Variants in EDAR observed in about 807,000 individuals in gnomAD.
EDAR encodes the protein tumor necrosis factor receptor superfamily member EDAR.
EDAR carries 38 observed loss-of-function variants against 51.3 expected under a neutral mutation model. That is an observed-to-expected ratio of 0.74 (90% confidence interval 0.57 to 0.97). The LOEUF (loss-of-function observed/expected upper bound fraction) is 0.97, where lower values mean the gene tolerates loss of function less well. Ranked by LOEUF, EDAR falls within the 50% of genes least tolerant of loss-of-function variation. EDAR has a pLI of 0.00. For synonymous variants in EDAR, 227 were observed against 242.1 expected (o/e 0.94, Z 0.58); for missense variants, 528 against 595.0 (o/e 0.89, Z 1.17).
In EDAR at chr2:108,938,657, G is replaced by GA. The variant is rs1220446512; in HGVS notation, c.-18-7626dup. The stretch of plus-strand genomic sequence containing the variant: ...GAACTGACAAGCTTGGAGAAGTTTT[G>GA]AAAAAAAAAATCCCTACTTTTTTGC... On this transcript the variant is annotated intron_variant, in intron 1 of 11. Coordinates refer to ENST00000258443, the MANE Select transcript of EDAR (RefSeq NM_022336.4). Among the ~76,000 whole-genome samples the GA allele has an allele frequency of 6.3e-3, 931 of 148,712 alleles. 6 individuals carry two copies. Among genetic ancestry groups the GA allele is most frequent in the African/African-American group, 0.021 (866 of 40,612 alleles).
At position 108,924,588 on chromosome 2, in the gene EDAR, C is replaced by T. The variant is rs563075097; in HGVS notation, c.357-1135G>A. On this transcript the variant is annotated intron_variant, in intron 4 of 11. Coordinates refer to ENST00000258443, the MANE Select transcript of EDAR (RefSeq NM_022336.4). ...CAGGCCCCATGGAGGCCCCTGCTGA[C>T]GGTAGTGCTAAGCAGCAGCCTGGCA... is the stretch of plus-strand genomic sequence containing the variant. Among the ~76,000 whole-genome samples the T allele has an allele frequency of 5.3e-5, 8 of 152,290 alleles. No homozygotes were observed. The East Asian group carries it at 7.7e-4, about 15-fold the overall frequency.
intron 11 of EDAR, among the ~76,000 whole-genome samples, chr2:108,902,620 A>G (rs1167301427): frequency 1.3e-5 from 2 of 152,212 alleles, no homozygotes; most frequent in Non-Finnish European, 2.9e-5. Flanking sequence ...TCATGAATAT[A>G]AATGCAAAAT....
intron 1 of EDAR, among the ~76,000 whole-genome samples, chr2:108,948,568 T>G (rs538745335): frequency 6.6e-5 from 10 of 152,248 alleles, no homozygotes; most frequent in African/African-American, 2.2e-4. Context: ...AAACTCACAG[T>G]CATCGCAGAA....
At chr2:108,909,033 T>G (rs911633601) in intron 9 of EDAR, among the ~76,000 whole-genome samples, 1 of 152,176 alleles carries the variant, frequency 6.6e-6, no homozygotes, top group East Asian at 1.9e-4. Flanking sequence ...CTCTGAGACC[T>G]AAGGACAAAC....
intron 1 of EDAR, among the ~76,000 whole-genome samples, chr2:108,980,924 T>C (rs1698408539): frequency 6.6e-6 from 1 of 152,028 alleles, no homozygotes. Flanking sequence ...TTTTGAAACC[T>C]GGCCAAATTG....
At chr2:108,903,504 A>G (rs762544950) in intron 11 of EDAR, among the ~76,000 whole-genome samples, 2 of 152,212 alleles carry the variant, frequency 1.3e-5, no homozygotes, top group Non-Finnish European at 2.9e-5. Flanking sequence ...TTATTACATA[A>G]TTTATACAAG....
intron 1 of EDAR, among the ~76,000 whole-genome samples, chr2:108,935,819 C>T (rs1697456836): frequency 6.6e-6 from 1 of 152,182 alleles, no homozygotes. Context: ...TTTATCTGTC[C>T]AGGGAGCCAG....
At chr2:108,913,772 A>G (rs915381548) in intron 5 of EDAR, among the ~76,000 whole-genome samples, 2 of 151,984 alleles carry the variant, frequency 1.3e-5, no homozygotes, top group African/African-American at 4.8e-5. Context: ...AACACAGGGA[A>G]ACCCCGTCTC....
At chr2:108,910,018 G>T (rs1048568287) in intron 9 of EDAR, among the ~76,000 whole-genome samples, 1 of 152,222 alleles carries the variant, frequency 6.6e-6, no homozygotes, top group Non-Finnish European at 1.5e-5. Context: ...CCCAGCACTT[G>T]GTGGGCAGTA....
intron 1 of EDAR, among the ~76,000 whole-genome samples, chr2:108,986,395 C>T (rs1209646486): frequency 1.3e-5 from 2 of 152,094 alleles, no homozygotes; most frequent in African/African-American, 2.4e-5. Flanking sequence ...GGAGTGTTTG[C>T]TTACTCCACT....
intron 3 of EDAR, 31 bp downstream of exon 3, chr2:108,930,089 G>A (rs750257417): frequency 1.1e-5 from 18 of 1,602,294 alleles, no homozygotes; most frequent in Middle Eastern, 1.7e-4. Context: ...CCCTGAGAGC[G>A]CACCAGGCTC....
At chr2:108,906,004 C>CT (rs1696795626) in intron 11 of EDAR, among the ~76,000 whole-genome samples, 1 of 152,180 alleles carries the variant, frequency 6.6e-6, no homozygotes, top group African/African-American at 2.4e-5. Context: ...CACGGGAGGT[C>CT]TGAGGCTCCG....
chr2:108,908,018 C>T lies in EDAR; in HGVS notation c.805G>A (p.Glu269Lys), dbSNP rs1350259361. 6.2e-6 allele frequency: 10 copies of T among 1,606,800 alleles called. No homozygotes were observed. The Admixed American group carries it at 6.7e-5, about 11-fold the overall frequency. The stretch of plus-strand genomic sequence containing the variant: ...TCATTCTCGGATGAGGCATCGTTCT[C>T]GCTGCAAAAACAAGAGCGATGGTCA... The part of the protein sequence containing the change: ...TATPAKPTKS[E>K]NDASSENEQL... Residue 269 changes from glutamate to lysine, a missense_variant and splice_region_variant, in exon 10 of 12, where the codon GAG (glutamate) becomes AAG (lysine). Glu to Lys is a moderately conservative substitution (Grantham distance 56, BLOSUM62 1). Transcript: ENST00000258443.
At chr2:108,931,128 C>G in intron 1 of EDAR, 96 bp from the exon 2 acceptor site, 1 of 974,276 alleles carries the variant, frequency 1.0e-6, no homozygotes, top group Non-Finnish European at 1.6e-6. Flanking sequence ...AAGGTGCCTT[C>G]CAGCAAACAG....
At position 108,897,198 on chromosome 2, in the gene EDAR, G is replaced by T. The variant is rs12623957; in HGVS notation, c.1056C>A (p.Cys352Ter). Reference sequence around the variant, plus strand: ...TGAGCATTCGGCTAGTCTTCTCGAGGCAATCAAATGGCAGCTCCGTGGGGC... The same window carrying T: ...TGAGCATTCGGCTAGTCTTCTCGAGTCAATCAAATGGCAGCTCCGTGGGGC... ...GLSPTELPFD[C>*]LEKTSRMLSS... The change falls in exon 12 of 12, where the codon TGC becomes TGA. Residue 352 changes from cysteine to a stop codon, truncating the protein, a stop_gained. Coordinates refer to ENST00000258443, the MANE Select transcript of EDAR (RefSeq NM_022336.4). LOFTEE classifies it high-confidence loss of function. 6.2e-7 allele frequency: 1 copy of T among 1,613,492 alleles called. No homozygotes were observed. Among genetic ancestry groups the T allele is most frequent in the Non-Finnish European group, 8.5e-7 (1 of 1,179,994 alleles).
At chr2:108,972,519 C>T (rs1013744270) in intron 1 of EDAR, among the ~76,000 whole-genome samples, 6 of 152,194 alleles carry the variant, frequency 3.9e-5, no homozygotes, top group East Asian at 3.9e-4. Context: ...CAGGCTGCAA[C>T]GGGCCGAGGC....
chr2:108,977,877 C>T (rs1698352592), intron 1 of EDAR, among the ~76,000 whole-genome samples: 1 of 152,220 alleles, frequency 6.6e-6, no homozygotes, highest in Non-Finnish European at 1.5e-5. Context: ...AACCACAAGA[C>T]ATCATATTAA....
rs567427469 is a variant in EDAR at position 108,924,228 on chromosome 2, G to A, written c.357-775C>T. ...TCCCCGATGTCACAGTGCCAGCCCC[G>A]TGGCTATATGACTGCTCAGGTCCTG... On this transcript the variant is annotated intron_variant, in intron 4 of 11. Transcript: ENST00000258443. 3.7e-4 allele frequency among the ~76,000 whole-genome samples: 57 copies of A among 152,314 alleles called. 1 individual carries two copies. Among genetic ancestry groups the A allele is most frequent in the African/African-American group, 1.1e-3 (45 of 41,566 alleles).
chr2:108,906,371 G>A lies in EDAR; in HGVS notation c.964-3C>T. 6.2e-7 allele frequency: 1 copy of A among 1,614,102 alleles called. No homozygotes were observed. Among genetic ancestry groups the A allele is most frequent in the Non-Finnish European group, 8.5e-7 (1 of 1,179,996 alleles). ...ATCTTTTTCCTCCGGCTTTGAATCT[G>A]TGAAAAAGAGTCGAGAATTTTCATC... On this transcript the variant is annotated splice_polypyrimidine_tract_variant and splice_region_variant and intron_variant, in intron 10 of 11. Transcript: ENST00000258443.
Sources: gnomAD v4.1 joint callset for allele counts (sites outside exome capture counted in the v4.1 genomes callset) on GRCh38, gnomAD v4.1.1 for gene constraint, MANE v1.5 for transcripts, NCBI Gene and HGNC (gene_info 2026-07-23, HGNC 2026-07-21) for gene names.